RAB3GAP1: variants seen among roughly 807,000 people sequenced by gnomAD.
The protein encoded by RAB3GAP1 is rab3 GTPase-activating protein catalytic subunit.
A neutral mutation model predicts 130.7 loss-of-function variants in RAB3GAP1; 86 were observed. The ratio of observed to expected loss-of-function variants is 0.66; its 90% CI spans 0.55 to 0.79. The LOEUF (loss-of-function observed/expected upper bound fraction) is 0.79, where lower values mean the gene tolerates loss of function less well. RAB3GAP1 is among the 30% of genes least tolerant of loss of function. RAB3GAP1 has a pLI of 0.00. For synonymous variants in RAB3GAP1, 367 were observed against 401.7 expected (o/e 0.91, Z 1.03); for missense variants, 1,029 against 1,169.4 (o/e 0.88, Z 1.75).
At position 135,165,678 on chromosome 2, in the gene RAB3GAP1, A is replaced by G. The variant is rs958733667; in HGVS notation, c.2709+982A>G. On this transcript the variant is annotated intron_variant, in intron 23 of 23. Coordinates refer to ENST00000264158, the MANE Select transcript of RAB3GAP1 (RefSeq NM_012233.3). ...AATAACCAAATATTTATTTCCTTAT[A>G]AATTAGACTTCTAGCAAACAATAGA... 3.9e-5 allele frequency among the ~76,000 whole-genome samples: 6 copies of G among 152,202 alleles called. No homozygotes were observed. The East Asian group carries it at 1.2e-3, about 29-fold the overall frequency.
intron 5 of RAB3GAP1, among the ~76,000 whole-genome samples, chr2:135,106,308 A>G (rs1444636104): frequency 3.3e-5 from 5 of 152,228 alleles, no homozygotes; most frequent in Non-Finnish European, 7.3e-5. Flanking sequence ...GGTTTTGTCG[A>G]ATAGAAAAGG....
At chr2:135,132,577 G>A (rs1691579989) in intron 13 of RAB3GAP1, among the ~76,000 whole-genome samples, 1 of 152,098 alleles carries the variant, frequency 6.6e-6, no homozygotes, top group Non-Finnish European at 1.5e-5. Context: ...CTAAAAAAAT[G>A]TAATGGCCTT....
chr2:135,075,071 A>T (rs960740766), intron 3 of RAB3GAP1, among the ~76,000 whole-genome samples: 2 of 152,190 alleles, frequency 1.3e-5, no homozygotes, highest in African/African-American at 4.8e-5. Context: ...TTAAAAAAAA[A>T]TGCTTCTGGA....
chr2:135,099,655 AT>A (rs111639461), intron 5 of RAB3GAP1, among the ~76,000 whole-genome samples: 6,990 of 145,886 alleles, frequency 0.048, 527 homozygotes, highest in African/African-American at 0.16. Flanking sequence ...AGAGTGTAAA[AT>A]TTTTTTTTTT....
At chr2:135,159,801 C>G (rs1692416912) in intron 19 of RAB3GAP1, among the ~76,000 whole-genome samples, 2 of 152,294 alleles carry the variant, frequency 1.3e-5, no homozygotes, top group South Asian at 4.1e-4. Flanking sequence ...ATTATTCAGC[C>G]ATAAAAAGGA....
intron 3 of RAB3GAP1, among the ~76,000 whole-genome samples, chr2:135,088,994 G>C (rs1236310256): frequency 6.6e-6 from 1 of 151,946 alleles, no homozygotes; most frequent in Non-Finnish European, 1.5e-5. Flanking sequence ...AATATGCCTA[G>C]GTTTTCTTCT....
At chr2:135,063,762 T>C (rs76339011) in intron 3 of RAB3GAP1, among the ~76,000 whole-genome samples, 1,524 of 152,332 alleles carry the variant, frequency 0.01, 23 homozygotes, top group African/African-American at 0.035. Flanking sequence ...TTAGCTATTA[T>C]AAATAATGCT....
At chr2:135,074,927 ATGT>A (rs1366657569) in intron 3 of RAB3GAP1, among the ~76,000 whole-genome samples, 1 of 152,150 alleles carries the variant, frequency 6.6e-6, no homozygotes, top group African/African-American at 2.4e-5. Flanking sequence ...TGGGAACAGA[ATGT>A]TGTGCCAGCA....
intron 11 of RAB3GAP1, 143 bp downstream of exon 11, chr2:135,126,799 C>G (rs904042875): frequency 6.9e-5 from 51 of 737,846 alleles, no homozygotes; most frequent in Non-Finnish European, 1.2e-4. Context: ...AGCAGTGAAT[C>G]CTTTTTTGAA....
At chr2:135,112,262 T>C (rs1690823941) in intron 5 of RAB3GAP1, among the ~76,000 whole-genome samples, 1 of 152,236 alleles carries the variant, frequency 6.6e-6, no homozygotes, top group African/African-American at 2.4e-5. Context: ...AGGCTGAAGC[T>C]GGAGACGGTA....
intron 3 of RAB3GAP1, among the ~76,000 whole-genome samples, chr2:135,076,234 A>G (rs951638677): frequency 1.3e-5 from 2 of 152,146 alleles, no homozygotes; most frequent in African/African-American, 4.8e-5. Flanking sequence ...TAAAAGTGGA[A>G]TTACTCGGTC....
In RAB3GAP1 at chr2:135,135,831, C is replaced by T. The variant is rs1250962788; in HGVS notation, c.1822C>T (p.Pro608Ser). 1 of 1,614,092 alleles carries T rather than the reference C, an allele frequency of 6.2e-7. No individual in the cohort carries two copies. Among genetic ancestry groups the T allele is most frequent in the Admixed American group, 1.7e-5 (1 of 60,016 alleles). Residue 608 changes from proline (P) to serine (S), a missense_variant, in exon 17 of 24, where the codon CCT (proline) becomes TCT (serine). Pro to Ser is a moderately conservative substitution (Grantham distance 74). Transcript: ENST00000264158. ...NGQESGKKGG[P>S]KEMANLRPEG... ...ACAAGAGAGTGGCAAGAAAGGAGGA[C>T]CTAAGGAGATGGCAAATTTAAGGCC...
At chr2:135,064,978 T>A (rs1450657471) in intron 3 of RAB3GAP1, among the ~76,000 whole-genome samples, 1 of 152,062 alleles carries the variant, frequency 6.6e-6, no homozygotes, top group Non-Finnish European at 1.5e-5. Flanking sequence ...CATTCTCTTT[T>A]CAGTGATGGC....
intron 2 of RAB3GAP1, among the ~76,000 whole-genome samples, chr2:135,054,351 A>G (rs1006757683): frequency 6.6e-6 from 1 of 152,200 alleles, no homozygotes; most frequent in African/African-American, 2.4e-5. Context: ...TGGCCAGGTG[A>G]TATGATGAAA....
At position 135,124,221 on chromosome 2, in the gene RAB3GAP1, T is replaced by C. The variant is rs1247002997; in HGVS notation, c.805T>C (p.Phe269Leu). ...VGGLEFGKLP[F>L]GACEDPISEL... Reference sequence around the variant, plus strand: ...AGGCTTGGAGTTTGGCAAGTTACCATTTGGTGCCTGCGAAGATCCTATTAG... The same window carrying C: ...AGGCTTGGAGTTTGGCAAGTTACCACTTGGTGCCTGCGAAGATCCTATTAG... Residue 269 changes from phenylalanine (F) to leucine (L), a missense_variant, in exon 9 of 24, where the codon TTT becomes CTT. Physicochemically the swap from Phe to Leu is conservative, Grantham distance 22. Transcript: ENST00000264158. 1.2e-6 allele frequency: 2 copies of C among 1,614,154 alleles called. No individual in the cohort carries two copies. Among genetic ancestry groups the C allele is most frequent in the Admixed American group, 1.7e-5 (1 of 60,030 alleles).
chr2:135,126,526 C>A (rs1206825211), intron 10 of RAB3GAP1, 57 bp from the exon 11 acceptor site: 11 of 1,448,316 alleles, frequency 7.6e-6, no homozygotes, highest in Middle Eastern at 1.8e-4. Flanking sequence ...TTAATAAGTT[C>A]ATGAATCTTG....
At chr2:135,129,719 A>T (rs1168437846) in intron 11 of RAB3GAP1, among the ~76,000 whole-genome samples, 2 of 152,144 alleles carry the variant, frequency 1.3e-5, no homozygotes, top group African/African-American at 2.4e-5. Flanking sequence ...TGAGGCATAT[A>T]GTAAGTACTA....
At chr2:135,137,023 G>A in intron 17 of RAB3GAP1, 1 of 239,386 alleles carries the variant, frequency 4.2e-6, no homozygotes, top group Non-Finnish European at 8.4e-6. Flanking sequence ...CCAGGAGTTG[G>A]AGGCTGCACT....
intron 19 of RAB3GAP1, 24 bp from the exon 20 acceptor site, chr2:135,162,531 T>A: frequency 6.3e-7 from 1 of 1,585,170 alleles, no homozygotes; most frequent in Non-Finnish European, 8.7e-7. Flanking sequence ...CGCTGATCAT[T>A]TGTGTGCGCT....
Sources: allele counts gnomAD v4.1 joint callset (sites outside exome capture counted in the v4.1 genomes callset), GRCh38; gene constraint gnomAD v4.1.1; transcripts MANE v1.5; gene names NCBI Gene and HGNC (gene_info 2026-07-23, HGNC 2026-07-21).